TMEM26: variants seen among roughly 807,000 people sequenced by gnomAD.
TMEM26 encodes the protein transmembrane protein 26.
Under a neutral mutation model 28.8 loss-of-function variants are expected in TMEM26, and 38 were observed. The observed-to-expected ratio is 1.32, with a 90% CI of 1.02 to 1.73. The LOEUF is 1.73. Ranked by LOEUF, TMEM26 falls within the 40% of genes most tolerant of loss-of-function variation. The pLI, the probability that TMEM26 is intolerant of heterozygous loss-of-function variation, is 0.00. For synonymous variants in TMEM26, 227 were observed against 182.9 expected, an observed-to-expected ratio of 1.24 and a Z score of -1.95; for missense variants, 518 against 447.1, an observed-to-expected ratio of 1.16 and a Z score of -1.43.
rs1015012268 is a variant in TMEM26, at chr10:61,451,991, A to G, written c.191+900T>C. On this transcript the variant is annotated intron_variant, in intron 1 of 5. Coordinates refer to ENST00000399298, the MANE Select transcript of TMEM26 (RefSeq NM_178505.8). Reference sequence around the variant, plus strand: ...TGAGATATTTTTAATGTATTGATATATATATATATATATATGAAAACACAT... The same window carrying G: ...TGAGATATTTTTAATGTATTGATATGTATATATATATATATGAAAACACAT... 1.8e-4 allele frequency among the ~76,000 whole-genome samples: 8 copies of G among 44,120 alleles called. No individual in the cohort carries two copies. In the African/African-American group the frequency reaches 2.2e-3, roughly 12 times the overall value. The allele number at this position is 44,120 out of a possible 152,430, so 28.9% of individuals were successfully genotyped here.
At position 61,428,968 on chromosome 10, in the gene TMEM26, A is replaced by G; in HGVS notation, c.563T>C (p.Ile188Thr). 6.2e-7 allele frequency: 1 copy of G among 1,613,188 alleles called. No homozygotes were observed. The highest frequency in any genetic ancestry group is 8.5e-7 in the Non-Finnish European group (1 of 1,179,388). ...TAGGGTCTCACTTGTGAATTCCAGTATGTCAGCCGCTGTCCCCACAAACAT... is the reference window on the plus strand; with the variant it reads ...TAGGGTCTCACTTGTGAATTCCAGTGTGTCAGCCGCTGTCCCCACAAACAT... The part of the protein sequence containing the change: ...LLMFVGTAAD[I>T]LEFTSETLEE... Residue 188 changes from isoleucine (I) to threonine (T), a missense_variant, in exon 4 of 6, where the codon ATA becomes ACA. By Grantham distance (89) the Ile-to-Thr change is moderately conservative. Transcript: ENST00000399298.
intron 5 of TMEM26, among the ~76,000 whole-genome samples, chr10:61,411,374 C>T (rs76721134): frequency 6.6e-6 from 1 of 152,136 alleles, no homozygotes; most frequent in Non-Finnish European, 1.5e-5. Flanking sequence ...CTTAGGATCA[C>T]GAATGATTTG....
chr10:61,436,558 C>G (rs1345945164), intron 1 of TMEM26, among the ~76,000 whole-genome samples: 1 of 152,134 alleles, frequency 6.6e-6, no homozygotes, highest in East Asian at 1.9e-4. Flanking sequence ...GTTTCAGGCA[C>G]AACACTGGAT....
rs1336234665 is a variant in TMEM26 at position 61,452,555 on chromosome 10, C to T, written c.191+336G>A. 1.8e-5 allele frequency: 5 copies of T among 270,800 alleles called. No individual in the cohort carries two copies. In the Admixed American group the frequency reaches 2.2e-4, roughly 12 times the overall value. The allele number at this position is 270,800 out of a possible 1,614,324, so 16.8% of individuals were successfully genotyped here. On this transcript the variant is annotated intron_variant, in intron 1 of 5. Coordinates refer to ENST00000399298, the MANE Select transcript of TMEM26 (RefSeq NM_178505.8). ...TTCAGAAGGCACACTACATGGCAAC[C>T]TCCTTGTCCCAAGACTCCCCTATTT...
At chr10:61,419,161 A>G (rs1250629160) in intron 4 of TMEM26, among the ~76,000 whole-genome samples, 1 of 152,144 alleles carries the variant, frequency 6.6e-6, no homozygotes. Flanking sequence ...CAAAATGAGA[A>G]GCCTCAGGTG....
intron 4 of TMEM26, among the ~76,000 whole-genome samples, chr10:61,419,245 G>A (rs981611196): frequency 2.0e-5 from 3 of 151,926 alleles, no homozygotes; most frequent in African/African-American, 2.4e-5. Flanking sequence ...CTCAACAAAG[G>A]AAGTATGTGA....
intron 1 of TMEM26, among the ~76,000 whole-genome samples, chr10:61,438,530 G>A (rs571934072): frequency 6.6e-6 from 1 of 152,190 alleles, no homozygotes; most frequent in Non-Finnish European, 1.5e-5. Context: ...ATAATCTAGG[G>A]AAACCATAGC....
chr10:61,420,895 T>C (rs2135297114), intron 4 of TMEM26, among the ~76,000 whole-genome samples: 1 of 152,120 alleles, frequency 6.6e-6, no homozygotes, highest in South Asian at 2.1e-4. Context: ...AACATATAAA[T>C]ATACAGTCAT....
At chr10:61,451,986 G>GATATATATATATATAT (rs10555555) in intron 1 of TMEM26, among the ~76,000 whole-genome samples, 3 of 148,702 alleles carry the variant, frequency 2.0e-5, no homozygotes, top group African/African-American at 7.4e-5. Context: ...TTAATGTATT[G>GATATATATATATATAT]ATATATATAT....
rs763595090 is a variant in TMEM26, at chr10:61,436,159, A to T, written c.270+11T>A. Reference sequence around the variant, plus strand: ...TGAATAGGTCAATTCCTACTTTCCAAAAAGAAGTACCTGGGTCTCATGGTG... The same window carrying T: ...TGAATAGGTCAATTCCTACTTTCCATAAAGAAGTACCTGGGTCTCATGGTG... On this transcript the variant is annotated intron_variant, in intron 2 of 5. Coordinates refer to ENST00000399298, the MANE Select transcript of TMEM26 (RefSeq NM_178505.8). 4 of 1,571,778 alleles carry T rather than the reference A, an allele frequency of 2.5e-6. No homozygotes were observed. The Admixed American group carries it at 5.2e-5, about 20-fold the overall frequency.
intron 4 of TMEM26, among the ~76,000 whole-genome samples, chr10:61,416,404 T>C (rs1432699059): frequency 6.6e-6 from 1 of 152,108 alleles, no homozygotes; most frequent in East Asian, 1.9e-4. Flanking sequence ...TGAATATGCA[T>C]AAGTAGTTTA....
rs57264705 is a variant in TMEM26, at chr10:61,448,853, C to T, written c.191+4038G>A. Among the ~76,000 whole-genome samples, 12 of 152,226 alleles carry T rather than the reference C, an allele frequency of 7.9e-5. No individual in the cohort carries two copies. The East Asian group carries it at 2.3e-3, about 29-fold the overall frequency. On this transcript the variant is annotated intron_variant, in intron 1 of 5. Transcript: ENST00000399298. ...CAGTGCTTAAAATTGTATACTTTTG[C>T]CAGTAAGTTCAACCTAGCTTTCTAC...
intron 4 of TMEM26, among the ~76,000 whole-genome samples, chr10:61,422,941 A>G (rs1397476319): frequency 6.6e-6 from 1 of 152,102 alleles, no homozygotes; most frequent in African/African-American, 2.4e-5. Flanking sequence ...AAAAGTAAAC[A>G]TCAGCCTCTC....
chr10:61,424,230 A>G (rs1023211691), intron 4 of TMEM26, among the ~76,000 whole-genome samples: 81 of 152,338 alleles, frequency 5.3e-4, no homozygotes, highest in African/African-American at 1.9e-3. Context: ...ATAGTAGATC[A>G]TCATACAGAA....
chr10:61,444,243 T>G (rs1840141454), intron 1 of TMEM26, among the ~76,000 whole-genome samples: 1 of 152,232 alleles, frequency 6.6e-6, no homozygotes, highest in Non-Finnish European at 1.5e-5. Flanking sequence ...TTTCTATTTT[T>G]TATAAAACCA....
chr10:61,431,622 A>G (rs1435736055), intron 2 of TMEM26, among the ~76,000 whole-genome samples: 2 of 152,090 alleles, frequency 1.3e-5, no homozygotes, highest in Admixed American at 6.6e-5. Flanking sequence ...GGTAACTGAG[A>G]TTCCTTTCTT....
At chr10:61,439,919 T>C (rs1036793525) in intron 1 of TMEM26, among the ~76,000 whole-genome samples, 15 of 152,188 alleles carry the variant, frequency 9.9e-5, no homozygotes, top group Admixed American at 3.9e-4. Context: ...TAATGACTTA[T>C]ATTTTTAAAC....
At chr10:61,411,697 C>G (rs1174817175) in intron 5 of TMEM26, among the ~76,000 whole-genome samples, 5 of 152,142 alleles carry the variant, frequency 3.3e-5, no homozygotes, top group Non-Finnish European at 7.4e-5. Context: ...AAAGGAGGTG[C>G]AATCAACAGA....
intron 4 of TMEM26, among the ~76,000 whole-genome samples, chr10:61,420,283 ATT>A (rs1839722189): frequency 6.6e-6 from 1 of 152,124 alleles, no homozygotes; most frequent in Non-Finnish European, 1.5e-5. Flanking sequence ...TTATCTTCAC[ATT>A]GAGTTGACTG....
Sources: gnomAD v4.1 joint callset for allele counts (sites outside exome capture counted in the v4.1 genomes callset) on GRCh38, gnomAD v4.1.1 for gene constraint, MANE v1.5 for transcripts, NCBI Gene and HGNC (gene_info 2026-07-23, HGNC 2026-07-21) for gene names.